Variants in CARM1 observed in about 807,000 individuals in gnomAD.
The protein encoded by CARM1 is coactivator associated arginine methyltransferase 1, also known as histone-arginine methyltransferase CARM1.
In CARM1, 14 loss-of-function variants were observed where a neutral mutation model predicts 72.7. The observed-to-expected ratio is 0.19, with a 90% CI of 0.13 to 0.30. The LOEUF (loss-of-function observed/expected upper bound fraction) is 0.30, where lower values mean the gene tolerates loss of function less well. CARM1 is among the 10% of genes least tolerant of loss of function. CARM1 has a pLI of 1.00. For missense variants in CARM1, 432 were observed against 833.7 expected (o/e 0.52, Z 5.93); for synonymous variants, 333 against 345.5 (o/e 0.96, Z 0.40).
chr19:10,872,108 G>T (rs1439202288), intron 1 of CARM1, among the ~76,000 whole-genome samples, 186 bp downstream of exon 1: 4 of 152,064 alleles, frequency 2.6e-5, no homozygotes, highest in Admixed American at 1.3e-4. Flanking sequence ...AAAAGAGGGC[G>T]TGCGTGGTGG....
rs985240629 is a variant in CARM1, at chr19:10,875,704, T to G, written c.220+3782T>G. Among the ~76,000 whole-genome samples the G allele has an allele frequency of 3.0e-4, 45 of 150,546 alleles. 1 individual carries two copies. Among genetic ancestry groups the G allele is most frequent in the Admixed American group, 6.6e-4 (10 of 15,114 alleles). On this transcript the variant is annotated intron_variant, in intron 1 of 15. Transcript: ENST00000327064. ...CTCCCAAAGTGCTGGGATTACAGGC[T>G]TGAGCCACCGTGCCCGGCCCCAGCT...
chr19:10,893,106 G>A (rs1187556811), intron 1 of CARM1, among the ~76,000 whole-genome samples: 1 of 151,498 alleles, frequency 6.6e-6, no homozygotes, highest in Non-Finnish European at 1.5e-5. Context: ...GCCCAGGTTG[G>A]AGTGGAATGC....
At chr19:10,917,341 G>A (rs1355933742) in intron 8 of CARM1, among the ~76,000 whole-genome samples, 1 of 152,110 alleles carries the variant, frequency 6.6e-6, no homozygotes, top group African/African-American at 2.4e-5. Context: ...GCCAGACGTG[G>A]TGGCGGGCGC....
intron 1 of CARM1, among the ~76,000 whole-genome samples, chr19:10,878,835 C>A (rs1389745810): frequency 6.8e-6 from 1 of 146,166 alleles, no homozygotes; most frequent in African/African-American, 2.5e-5. Flanking sequence ...GATGGTGTCT[C>A]GCTCTGTTGC....
intron 8 of CARM1, among the ~76,000 whole-genome samples, chr19:10,917,027 C>T (rs1371507530): frequency 6.6e-6 from 1 of 151,796 alleles, no homozygotes; most frequent in East Asian, 1.9e-4. Context: ...TCAAGATCAG[C>T]CTGGGCAACA....
chr19:10,881,375 T>C (rs1391042883), intron 1 of CARM1, among the ~76,000 whole-genome samples: 4 of 152,172 alleles, frequency 2.6e-5, no homozygotes, highest in Non-Finnish European at 5.9e-5. Flanking sequence ...AGGGTACCAG[T>C]TCCTGGAGGA....
chr19:10,910,034 G>A (rs568468575), intron 4 of CARM1, among the ~76,000 whole-genome samples: 4 of 152,170 alleles, frequency 2.6e-5, no homozygotes, highest in East Asian at 1.9e-4. Flanking sequence ...TTGAAACTGC[G>A]GTGAGCTGTG....
At position 10,920,102 on chromosome 19, in the gene CARM1, G is replaced by A; in HGVS notation, c.1196+136G>A. ...AATGGGAGTGAGAGCCTGTCTCGGA[G>A]CAAGAGACTGTTGTGGGTGGGGTGT... On this transcript the variant is annotated intron_variant, in intron 10 of 15. Transcript: ENST00000327064. The surrounding 1 kb of genome is among the most constrained non-coding windows in gnomAD (Gnocchi z 5.3). 1.4e-6 allele frequency: 1 copy of A among 715,766 alleles called. No homozygotes were observed. The highest frequency in any genetic ancestry group is 1.6e-5 in the South Asian group (1 of 62,730). 44.3% of individuals were successfully genotyped at this position (715,766 alleles called of 1,614,324 possible).
chr19:10,885,293 TCTTC>T (rs1226206541), intron 1 of CARM1, among the ~76,000 whole-genome samples: 1 of 152,178 alleles, frequency 6.6e-6, no homozygotes, highest in Non-Finnish European at 1.5e-5. Context: ...CCCCTTTTAT[TCTTC>T]CTTTTTGTCT....
At chr19:10,893,902 T>G (rs929407286) in intron 1 of CARM1, among the ~76,000 whole-genome samples, 1 of 152,322 alleles carries the variant, frequency 6.6e-6, no homozygotes, top group South Asian at 2.1e-4. Context: ...ACCCAGTCCC[T>G]CCTTGATAAA....
Position 10,920,520 on chromosome 19 carries a change from C to T in CARM1, c.1281C>T (p.Phe427=), listed in dbSNP as rs201626054. The part of the protein sequence containing the change: ...QVRCLFQSPL[F]AKAGDTLSGT... ...GGTGCCTGTTCCAGTCACCACTGTT[C>T]GCCAAGGCAGGGGACACGCTCTCAG... The change falls in exon 11 of 16, where the codon TTC becomes TTT. Residue 427 remains phenylalanine, a synonymous_variant. Transcript: ENST00000327064. The surrounding 1 kb of genome is among the most constrained non-coding windows in gnomAD (Gnocchi z 5.3). 3.8e-5 allele frequency: 61 copies of T among 1,613,942 alleles called. No individual in the cohort carries two copies. The highest frequency in any genetic ancestry group is 4.7e-5 in the Non-Finnish European group (56 of 1,179,938).
intron 8 of CARM1, among the ~76,000 whole-genome samples, chr19:10,917,169 C>A (rs1053900527): frequency 6.6e-6 from 1 of 151,956 alleles, no homozygotes; most frequent in Non-Finnish European, 1.5e-5. Context: ...ATTTTTGATA[C>A]ATAGATCCAT....
At chr19:10,906,144 G>A (rs2074102322) in intron 2 of CARM1, among the ~76,000 whole-genome samples, 1 of 150,202 alleles carries the variant, frequency 6.7e-6, no homozygotes, top group African/African-American at 2.5e-5. Context: ...TAGTAGACAT[G>A]GAGTTTTTCA....
At chr19:10,900,110 A>G (rs973518714) in intron 1 of CARM1, among the ~76,000 whole-genome samples, 2 of 152,122 alleles carry the variant, frequency 1.3e-5, no homozygotes, top group African/African-American at 2.4e-5. Context: ...GGAGTTTCAG[A>G]CTAGCCTGGG....
intron 1 of CARM1, among the ~76,000 whole-genome samples, chr19:10,889,208 T>C (rs1054846734): frequency 6.6e-6 from 1 of 152,134 alleles, no homozygotes; most frequent in Non-Finnish European, 1.5e-5. Flanking sequence ...GGCCTTGGCC[T>C]ACCTGAGATG....
chr19:10,895,440 CT>C (rs1005345107), intron 1 of CARM1, among the ~76,000 whole-genome samples: 1 of 152,238 alleles, frequency 6.6e-6, no homozygotes, highest in Admixed American at 6.5e-5. Flanking sequence ...CCAGGTCCCC[CT>C]GACCCAGGTC....
chr19:10,881,391 C>T (rs1029594947), intron 1 of CARM1, among the ~76,000 whole-genome samples: 14 of 152,116 alleles, frequency 9.2e-5, no homozygotes, highest in Non-Finnish European at 1.8e-4. Flanking sequence ...GAGGACAGCA[C>T]CTGATTGGGG....
intron 1 of CARM1, among the ~76,000 whole-genome samples, chr19:10,897,613 C>T (rs1035949382): frequency 2.6e-5 from 4 of 152,180 alleles, no homozygotes; most frequent in East Asian, 1.9e-4. Flanking sequence ...ACACTCAGTC[C>T]GGGTTTGTGT....
intron 1 of CARM1, among the ~76,000 whole-genome samples, chr19:10,885,889 T>TTTA (rs1491232956): frequency 9.9e-6 from 1 of 101,316 alleles, no homozygotes; most frequent in Non-Finnish European, 2.1e-5. Context: ...CACTCCCTCA[T>TTTA]TTTTTTTTTT....
Sources: allele counts gnomAD v4.1 joint callset (sites outside exome capture counted in the v4.1 genomes callset), GRCh38; gene constraint gnomAD v4.1.1; non-coding constraint Gnocchi (gnomAD v3.1); transcripts MANE v1.5; gene names NCBI Gene and HGNC (gene_info 2026-07-23, HGNC 2026-07-21).